GPC6: variants seen among roughly 807,000 people sequenced by gnomAD.
The protein encoded by GPC6 is glypican 6.
In GPC6, 14 loss-of-function variants were observed where a neutral mutation model predicts 55.2. The ratio of observed to expected loss-of-function variants is 0.25; its 90% CI spans 0.17 to 0.40. The LOEUF is 0.40. Ranked by LOEUF, GPC6 falls within the 10% of genes least tolerant of loss-of-function variation. The pLI is 1.00. For missense variants in GPC6, 641 were observed against 708.5 expected (o/e 0.90, Z 1.08); for synonymous variants, 278 against 259.6 (o/e 1.07, Z -0.68).
At chr13:93,566,704 A>T (rs1188369816) in intron 2 of GPC6, among the ~76,000 whole-genome samples, 1 of 151,234 alleles carries the variant, frequency 6.6e-6, no homozygotes, top group Non-Finnish European at 1.5e-5. Flanking sequence ...TCCTAAAGCT[A>T]TCCCTCCCCT....
intron 7 of GPC6, among the ~76,000 whole-genome samples, chr13:94,397,906 A>T (rs1880961554): frequency 6.6e-6 from 1 of 152,106 alleles, no homozygotes; most frequent in Admixed American, 6.5e-5. Flanking sequence ...AGGTAATTGA[A>T]TCATGGGGGC....
chr13:93,921,585 C>T (rs147067115), intron 3 of GPC6, among the ~76,000 whole-genome samples: 239 of 151,866 alleles, frequency 1.6e-3, no homozygotes, highest in Admixed American at 3.8e-3. Context: ...CTTCCCCAGC[C>T]GAATTCCTCT....
chr13:94,220,704 G>A (rs1188542437), intron 4 of GPC6, among the ~76,000 whole-genome samples: 2 of 152,142 alleles, frequency 1.3e-5, no homozygotes, highest in African/African-American at 4.8e-5. Context: ...CTAGTGATTG[G>A]TAGTTCCTTG....
In GPC6 at chr13:94,026,705, T is replaced by C. The variant is rs148780230; in HGVS notation, c.712-1024T>C. Among the ~76,000 whole-genome samples the C allele has an allele frequency of 7.3e-3, 1,115 of 152,270 alleles. 15 individuals carry two copies. Among genetic ancestry groups the C allele is most frequent in the African/African-American group, 0.025 (1,054 of 41,564 alleles). On this transcript the variant is annotated intron_variant, in intron 3 of 8. Coordinates refer to ENST00000377047, the MANE Select transcript of GPC6 (RefSeq NM_005708.5). The stretch of plus-strand genomic sequence containing the variant: ...AATTTTTTAAAGGAAAGAAGTTTAA[T>C]TGATGCACAGTGCAGCATGGCTGAG...
At chr13:94,131,290 C>T (rs1294879937) in intron 4 of GPC6, among the ~76,000 whole-genome samples, 2 of 151,858 alleles carry the variant, frequency 1.3e-5, no homozygotes, top group African/African-American at 4.8e-5. Flanking sequence ...TTGTGCATTT[C>T]GCCTCTAGCA....
intron 4 of GPC6, among the ~76,000 whole-genome samples, chr13:94,208,389 G>A (rs1223041278): frequency 6.6e-6 from 1 of 152,068 alleles, no homozygotes; most frequent in African/African-American, 2.4e-5. Flanking sequence ...ACTCCATAAT[G>A]TTAGCCCTTA....
intron 4 of GPC6, among the ~76,000 whole-genome samples, chr13:94,167,782 G>T (rs1888416952): frequency 6.6e-6 from 1 of 152,042 alleles, no homozygotes; most frequent in Non-Finnish European, 1.5e-5. Context: ...GGTAACAGAA[G>T]ACTATCTGTC....
the GPC6 span, among the ~76,000 whole-genome samples, chr13:93,219,170 T>G: frequency 6.6e-6 from 1 of 151,308 alleles, no homozygotes; most frequent in African/African-American, 2.4e-5. Context: ...CTCAGCTCAC[T>G]GCAACCTCTG....
Position 93,827,930 on chromosome 13 carries a change from A to G in GPC6, c.320-2224A>G, listed in dbSNP as rs139419354. ...TGAAGGAGGTGTTACCCTCAGTAAA[A>G]GAGAAAATGATATTTTTATTCCTAA... On this transcript the variant is annotated intron_variant, in intron 2 of 8. Transcript: ENST00000377047. Among the ~76,000 whole-genome samples the G allele has an allele frequency of 4.5e-4, 69 of 152,234 alleles. No individual in the cohort carries two copies. The East Asian group carries it at 0.013, about 29-fold the overall frequency.
intron 1 of GPC6, among the ~76,000 whole-genome samples, chr13:93,393,689 C>T (rs960095446): frequency 1.3e-5 from 2 of 151,926 alleles, no homozygotes; most frequent in Non-Finnish European, 1.5e-5. Context: ...CCCAGATTCC[C>T]TCAATTTTCC....
intron 3 of GPC6, among the ~76,000 whole-genome samples, chr13:93,996,145 T>A (rs1049608993): frequency 6.6e-6 from 1 of 152,216 alleles, no homozygotes; most frequent in Admixed American, 6.6e-5. Context: ...CCTTTGAAGA[T>A]GTAGTACACA....
chr13:93,928,378 C>A (rs1248385152), intron 3 of GPC6, among the ~76,000 whole-genome samples: 1 of 152,056 alleles, frequency 6.6e-6, no homozygotes, highest in East Asian at 1.9e-4. Context: ...AAGCATAGCT[C>A]TTTTTATGTA....
At chr13:94,360,245 G>A (rs1878995698) in intron 6 of GPC6, among the ~76,000 whole-genome samples, 1 of 152,126 alleles carries the variant, frequency 6.6e-6, no homozygotes, top group South Asian at 2.1e-4. Context: ...AAGTTTTATG[G>A]TATTGTGCAT....
chr13:94,170,474 C>A (rs1196524499), intron 4 of GPC6, among the ~76,000 whole-genome samples: 2 of 152,102 alleles, frequency 1.3e-5, no homozygotes, highest in Non-Finnish European at 2.9e-5. Context: ...CCAGTAGCCG[C>A]TGTGTGCTGG....
intron 1 of GPC6, among the ~76,000 whole-genome samples, chr13:93,427,569 A>G (rs920439057): frequency 1.3e-5 from 2 of 152,184 alleles, no homozygotes; most frequent in Admixed American, 1.3e-4. Context: ...TGAAACGGGA[A>G]AAGTGTTTTC....
At chr13:94,367,654 A>G (rs960567859) in intron 6 of GPC6, among the ~76,000 whole-genome samples, 4 of 152,206 alleles carry the variant, frequency 2.6e-5, no homozygotes, top group Non-Finnish European at 4.4e-5. Context: ...GTGATCAGCT[A>G]TCCAAGAAAC....
chr13:94,284,898 C>A (rs1892487303), intron 4 of GPC6, among the ~76,000 whole-genome samples: 1 of 150,990 alleles, frequency 6.6e-6, no homozygotes, highest in Non-Finnish European at 1.5e-5. Flanking sequence ...TGAAATCTAC[C>A]CTCAGCAAAT....
chr13:93,540,783 C>T (rs1882261918), intron 1 of GPC6, among the ~76,000 whole-genome samples: 1 of 151,906 alleles, frequency 6.6e-6, no homozygotes, highest in South Asian at 2.1e-4. Context: ...AGAACTTATT[C>T]CTCCTATTAG....
At chr13:93,953,698 G>A (rs990834907) in intron 3 of GPC6, among the ~76,000 whole-genome samples, 2 of 152,062 alleles carry the variant, frequency 1.3e-5, no homozygotes, top group African/African-American at 4.8e-5. Context: ...TATCACCTTG[G>A]CCAGACCGTA....
Sources: gnomAD v4.1 joint callset for allele counts (sites outside exome capture counted in the v4.1 genomes callset) on GRCh38, gnomAD v4.1.1 for gene constraint, MANE v1.5 for transcripts, NCBI Gene and HGNC (gene_info 2026-07-23, HGNC 2026-07-21) for gene names.